The following CHST9 variants were observed in gnomAD, a reference collection of about 807,000 sequenced individuals.
The protein encoded by CHST9 is GalNAc-4-sulfotransferase 2.
Under a neutral mutation model 44.4 loss-of-function variants are expected in CHST9, and 41 were observed. The observed-to-expected ratio is 0.92, with a 90% CI of 0.72 to 1.20. CHST9 has a LOEUF of 1.20. Among genes scored for constraint, CHST9 ranks in the 50% most tolerant of loss-of-function variants. The pLI, the probability that CHST9 is intolerant of heterozygous loss-of-function variation, is 0.00. For missense variants in CHST9, 504 were observed against 516.5 expected, an observed-to-expected ratio of 0.98 and a Z score of 0.23; for synonymous variants, 171 against 178.4, an observed-to-expected ratio of 0.96 and a Z score of 0.33.
intron 1 of CHST9, among the ~76,000 whole-genome samples, chr18:27,162,974 G>A (rs1419462385): frequency 6.6e-6 from 1 of 152,016 alleles, no homozygotes; most frequent in Non-Finnish European, 1.5e-5. Context: ...TGATGGTGAC[G>A]TACAGATGGG....
intron 3 of CHST9, among the ~76,000 whole-genome samples, chr18:27,037,694 T>G (rs757537388): frequency 5.3e-5 from 8 of 152,152 alleles, no homozygotes; most frequent in Admixed American, 6.5e-5. Context: ...AGAGAGACCC[T>G]GTCTCAAAAG....
chr18:27,032,538 C>A (rs1381535875), intron 3 of CHST9, among the ~76,000 whole-genome samples: 1 of 152,180 alleles, frequency 6.6e-6, no homozygotes, highest in Non-Finnish European at 1.5e-5. Flanking sequence ...CTTCTTTTGT[C>A]ACTTGCTCAA....
intron 2 of CHST9, among the ~76,000 whole-genome samples, chr18:27,126,437 C>T (rs886839389): frequency 6.6e-6 from 1 of 152,116 alleles, no homozygotes; most frequent in Non-Finnish European, 1.5e-5. Context: ...TAAATCTACC[C>T]TCGTGAGGGC....
At position 27,084,744 on chromosome 18, in the gene CHST9, G is replaced by A. The variant is rs143074911; in HGVS notation, c.122-36241C>T. ...TATTCCCACATCCCATGTGATATTAGGTTGTTAATTTGAGACCTTTCTAAC... is the reference window on the plus strand; with the variant it reads ...TATTCCCACATCCCATGTGATATTAAGTTGTTAATTTGAGACCTTTCTAAC... On this transcript the variant is annotated intron_variant, in intron 2 of 5. Transcript: ENST00000618847. 1.3e-3 allele frequency among the ~76,000 whole-genome samples: 197 copies of A among 151,908 alleles called. 5 individuals are homozygous for A. The East Asian group carries it at 0.034, about 26-fold the overall frequency.
At chr18:27,032,700 TACCACCAGGTAG>T (rs2057353599) in intron 3 of CHST9, among the ~76,000 whole-genome samples, 1 of 152,230 alleles carries the variant, frequency 6.6e-6, no homozygotes, top group Admixed American at 6.5e-5. Flanking sequence ...ATTGTGAGCA[TACCACCAGGTAG>T]ACATTAGGCA....
chr18:27,182,484 C>T (rs1316721326), intron 1 of CHST9, among the ~76,000 whole-genome samples: 1 of 151,976 alleles, frequency 6.6e-6, no homozygotes, highest in Non-Finnish European at 1.5e-5. Flanking sequence ...TATCTTTTTC[C>T]TCAAAAAATA....
intron 4 of CHST9, among the ~76,000 whole-genome samples, chr18:26,969,204 G>A (rs571121493): frequency 6.6e-6 from 1 of 151,850 alleles, no homozygotes; most frequent in Non-Finnish European, 1.5e-5. Flanking sequence ...GGGTTTCACC[G>A]TATTAGCCAG....
chr18:27,088,427 G>T (rs534118861), intron 2 of CHST9, among the ~76,000 whole-genome samples: 3 of 143,798 alleles, frequency 2.1e-5, no homozygotes, highest in Non-Finnish European at 3.0e-5. Flanking sequence ...ATGGAGTCTC[G>T]CTCTGTCGGC....
intron 4 of CHST9, among the ~76,000 whole-genome samples, chr18:27,004,118 A>G (rs2056984963): frequency 1.3e-5 from 2 of 152,064 alleles, no homozygotes; most frequent in Non-Finnish European, 2.9e-5. Context: ...GAAAGCAGAG[A>G]AGAACAGTAA....
chr18:26,955,188 T>C (rs1313063469), intron 4 of CHST9, among the ~76,000 whole-genome samples: 1 of 152,018 alleles, frequency 6.6e-6, no homozygotes, highest in Non-Finnish European at 1.5e-5. Context: ...CCAAAATGTT[T>C]AAGCACCTCA....
intron 3 of CHST9, among the ~76,000 whole-genome samples, chr18:27,044,811 T>A (rs927197565): frequency 2.6e-5 from 4 of 151,536 alleles, no homozygotes; most frequent in African/African-American, 9.7e-5. Flanking sequence ...AACATGTTAT[T>A]CATGCACAGA....
chr18:27,022,054 TTA>T (rs2057233131), intron 4 of CHST9, among the ~76,000 whole-genome samples: 1 of 152,198 alleles, frequency 6.6e-6, no homozygotes, highest in East Asian at 1.9e-4. Context: ...GCATTGTAGT[TTA>T]TAAAATGCCT....
chr18:27,062,477 C>T (rs563081414), intron 2 of CHST9, among the ~76,000 whole-genome samples: 1 of 152,186 alleles, frequency 6.6e-6, no homozygotes, highest in East Asian at 1.9e-4. Context: ...CATGTCCCCA[C>T]AAAGGACATG....
intron 4 of CHST9, among the ~76,000 whole-genome samples, chr18:26,975,240 T>C (rs897675155): frequency 1.1e-4 from 17 of 152,124 alleles, no homozygotes; most frequent in Admixed American, 2.0e-4. Flanking sequence ...GGAAGAGACA[T>C]AGGGAACAGG....
intron 1 of CHST9, among the ~76,000 whole-genome samples, chr18:27,150,472 C>T (rs144409226): frequency 1.3e-5 from 2 of 152,306 alleles, no homozygotes; most frequent in East Asian, 3.9e-4. Context: ...AATGAGCCTG[C>T]CTCCCAGCTC....
At chr18:27,030,336 T>C (rs750920858) in intron 3 of CHST9, among the ~76,000 whole-genome samples, 1 of 152,270 alleles carries the variant, frequency 6.6e-6, no homozygotes, top group Admixed American at 6.5e-5. Context: ...TTGAAAACTT[T>C]CTTTTTATAA....
intron 1 of CHST9, among the ~76,000 whole-genome samples, chr18:27,182,438 C>T (rs8088724): frequency 0.74 from 112,015 of 152,086 alleles, 41,707 homozygotes; most frequent in African/African-American, 0.83. Flanking sequence ...TTCAAGTACA[C>T]ATCAATTATT....
In CHST9 at chr18:26,914,287, T is replaced by C. The variant is rs532986583; in HGVS notation, c.*1972A>G. The C allele has an allele frequency of 2.6e-5, 4 of 152,326 alleles. 1 individual carries two copies. In the South Asian group the frequency reaches 8.3e-4, roughly 32 times the overall value. The allele number at this position is 152,326 out of a possible 1,614,324, so 9.4% of individuals were successfully genotyped here. A position where few individuals can be genotyped will look rare whatever the true frequency, so the allele number is the denominator to read the frequency against. On this transcript the variant is annotated 3_prime_UTR_variant, in exon 6 of 6. Transcript: ENST00000618847. ...TTGAAAGTTCTTTGTCTGTTCCTTATATAGTTTTAGGAATACTTTTGAGGA... is the reference window on the plus strand; with the variant it reads ...TTGAAAGTTCTTTGTCTGTTCCTTACATAGTTTTAGGAATACTTTTGAGGA...
intron 4 of CHST9, among the ~76,000 whole-genome samples, chr18:26,956,637 G>A (rs2056329996): frequency 6.6e-6 from 1 of 151,894 alleles, no homozygotes; most frequent in Non-Finnish European, 1.5e-5. Context: ...GAAAAGAGGA[G>A]GGAATCCCAC....
Sources: allele counts gnomAD v4.1 joint callset (sites outside exome capture counted in the v4.1 genomes callset), GRCh38; gene constraint gnomAD v4.1.1; transcripts MANE v1.5; gene names NCBI Gene and HGNC (gene_info 2026-07-23, HGNC 2026-07-21).